Variants in CCNF observed in about 807,000 individuals in gnomAD.
The protein encoded by CCNF is cyclin-F.
A neutral mutation model predicts 85.4 loss-of-function variants in CCNF; 30 were observed. The observed-to-expected ratio is 0.35, with a 90% CI of 0.26 to 0.48. The LOEUF is 0.48. CCNF is among the 20% of genes least tolerant of loss of function. CCNF has a pLI of 0.99. For synonymous variants in CCNF, 439 were observed against 425.1 expected (o/e 1.03, Z -0.40); for missense variants, 919 against 1,010.4 (o/e 0.91, Z 1.23).
At position 2,439,740 on chromosome 16, in the gene CCNF, C is replaced by T. The variant is rs778054573; in HGVS notation, c.700-9C>T. The T allele has an allele frequency of 1.2e-6, 2 of 1,612,412 alleles. No homozygotes were observed. On this transcript the variant is annotated splice_polypyrimidine_tract_variant and intron_variant, in intron 7 of 16. Transcript: ENST00000397066. ...GTTGTACAAAGGCTCGGTGATCTCC[C>T]ATTGACAGGTGTCAGATCCTGGGCG...
At chr16:2,432,400 C>A (rs1464180200) in intron 2 of CCNF, among the ~76,000 whole-genome samples, 4 of 152,072 alleles carry the variant, frequency 2.6e-5, no homozygotes, top group African/African-American at 9.7e-5. Flanking sequence ...CTTTATGGAC[C>A]CCAGGGGGTG....
Position 2,451,310 on chromosome 16 carries a change from G to C in CCNF, c.1487+1395G>C, listed in dbSNP as rs1230698199. On this transcript the variant is annotated intron_variant, in intron 13 of 16. Coordinates refer to ENST00000397066, the MANE Select transcript of CCNF (RefSeq NM_001761.3). This position sits in a 1 kb window ranked among gnomAD's most constrained non-coding sequence, Gnocchi z 4.3. The stretch of plus-strand genomic sequence containing the variant: ...GGGCATCTGAGTCCAGGGCAAAGGG[G>C]GCAGCCATGCCAGGGCCCAGTGCAG... Among the ~76,000 whole-genome samples, 2 of 152,214 alleles carry C rather than the reference G, an allele frequency of 1.3e-5. No individual in the cohort carries two copies. The highest frequency in any genetic ancestry group is 2.9e-5 in the Non-Finnish European group (2 of 68,026).
rs1005227456 is a variant in CCNF at position 2,457,718 on chromosome 16, T to C, written c.*698T>C. ...TTTGTGCTGAATTTCTGGGCCATTC[T>C]TTTCCTGTCTTATTTCTAAATTTCC... On this transcript the variant is annotated 3_prime_UTR_variant, in exon 17 of 17. Coordinates refer to ENST00000397066, the MANE Select transcript of CCNF (RefSeq NM_001761.3). 3.0e-4 allele frequency: 45 copies of C among 152,234 alleles called. No homozygotes were observed. The highest frequency in any genetic ancestry group is 1.1e-3 in the African/African-American group (44 of 41,454). The allele number at this position is 152,234 out of a possible 1,614,324, so 9.4% of individuals were successfully genotyped here. A position where few individuals can be genotyped will look rare whatever the true frequency, so the allele number is the denominator to read the frequency against.
intron 10 of CCNF, 60 bp downstream of exon 10, chr16:2,445,682 C>T (rs2065358166): frequency 1.4e-6 from 2 of 1,477,016 alleles, no homozygotes; most frequent in South Asian, 2.4e-5. Flanking sequence ...GGTTCAGGGT[C>T]ACCTGCCCTT....
chr16:2,435,249 CAAAAAAAAAAAAGAAAAGAAAAGA>C (rs1331797436), intron 3 of CCNF, among the ~76,000 whole-genome samples: 23 of 35,402 alleles, frequency 6.5e-4, no homozygotes, highest in African/African-American at 3.2e-3. Context: ...GACTCCGTCT[CAAAAAAAAAAAAGAAAAGAAAAGA>C]AAAAAAAAAA....
In CCNF at chr16:2,455,536, GGAGAGTGAGGGC is replaced by G. The variant is rs774028397; in HGVS notation, c.1862_1873del (p.Ser621_Glu624del). ...GCTGCTCTGGCTATGAAGGCGACCA[GGAGAGTGAGGGC>G]GAGAAGGAGGGCGACGGTGAGTGTG... On this transcript the variant is annotated inframe_deletion, in exon 16 of 17. Transcript: ENST00000397066. 1 of 1,601,532 alleles carries G rather than the reference GGAGAGTGAGGGC, an allele frequency of 6.2e-7. No homozygotes were observed. The highest frequency in any genetic ancestry group is 2.2e-5 in the East Asian group (1 of 44,448).
chr16:2,454,921 G>A (rs1398906749), intron 15 of CCNF, among the ~76,000 whole-genome samples: 1 of 152,128 alleles, frequency 6.6e-6, no homozygotes, highest in East Asian at 1.9e-4. Flanking sequence ...TTAGCTGGGT[G>A]TGATGGCGGG....
chr16:2,438,015 G>GC (rs1028465068), intron 5 of CCNF, 55 bp from the exon 6 acceptor site: 9 of 1,220,168 alleles, frequency 7.4e-6, no homozygotes, highest in Admixed American at 1.7e-5. Flanking sequence ...GGGAGTGGTG[G>GC]CCCCCGGGCA....
intron 3 of CCNF, among the ~76,000 whole-genome samples, chr16:2,435,308 T>C (rs1469885223): frequency 6.7e-6 from 1 of 149,364 alleles, no homozygotes; most frequent in Non-Finnish European, 1.5e-5. Flanking sequence ...CCGGGCATGA[T>C]GGCTCAAGCC....
At chr16:2,430,501 A>T (rs1160571595) in intron 1 of CCNF, among the ~76,000 whole-genome samples, 2 of 152,068 alleles carry the variant, frequency 1.3e-5, no homozygotes, top group Non-Finnish European at 2.9e-5. Flanking sequence ...CTACAGGTCT[A>T]GGTTTGTGTT....
At position 2,449,284 on chromosome 16, in the gene CCNF, C is replaced by T. The variant is rs1375557128; in HGVS notation, c.1221C>T (p.Val407=). 5.6e-6 allele frequency: 9 copies of T among 1,613,526 alleles called. No homozygotes were observed. Among genetic ancestry groups the T allele is most frequent in the Non-Finnish European group, 5.9e-6 (7 of 1,179,768 alleles). The part of the protein sequence containing the change: ...IVSALEGKIR[V]PTVVDYKEVL... ...CACACCCCGTCCCGGCTGTCTAGGT[C>T]CCCACTGTGGTGGATTACAAGGAGG... The change falls in exon 12 of 17, where the codon GTC becomes GTT. Residue 407 remains valine, a splice_region_variant and synonymous_variant. Coordinates refer to ENST00000397066, the MANE Select transcript of CCNF (RefSeq NM_001761.3).
chr16:2,448,827 A>T (rs28417759), intron 10 of CCNF, 28 bp from the exon 11 acceptor site: 1 of 1,608,650 alleles, frequency 6.2e-7, no homozygotes, highest in African/African-American at 1.3e-5. Context: ...AGTGGGCTCC[A>T]CCCTGAGACC....
Position 2,458,331 on chromosome 16 carries a change from A to T in CCNF, c.*1311A>T, listed in dbSNP as rs1414895810. The T allele has an allele frequency of 6.7e-6, 1 of 149,228 alleles. No individual in the cohort carries two copies. Among genetic ancestry groups the T allele is most frequent in the Admixed American group, 6.7e-5 (1 of 14,964 alleles). 9.2% of individuals were successfully genotyped at this position (149,228 alleles called of 1,614,324 possible). ...TGCAGTGGCATGATCTCAACTCTCA[A>T]CTCACTGTAACCTCCGCCTCCCGGA... On this transcript the variant is annotated 3_prime_UTR_variant, in exon 17 of 17. Coordinates refer to ENST00000397066, the MANE Select transcript of CCNF (RefSeq NM_001761.3).
In CCNF at chr16:2,437,115, G is replaced by T. The variant is rs745717157; in HGVS notation, c.347-14G>T. ...AAGAGACATCCCTGGGCTCTGTCCT[G>T]TCTGTCCCCGCAGTGTCTGTGTCTG... On this transcript the variant is annotated splice_polypyrimidine_tract_variant and intron_variant, in intron 4 of 16. Coordinates refer to ENST00000397066, the MANE Select transcript of CCNF (RefSeq NM_001761.3). The T allele has an allele frequency of 1.3e-6, 2 of 1,563,766 alleles. No homozygotes were observed. Among genetic ancestry groups the T allele is most frequent in the Non-Finnish European group, 1.7e-6 (2 of 1,147,128 alleles).
chr16:2,448,824 T>C (rs1430719763), intron 10 of CCNF, 31 bp from the exon 11 acceptor site: 2 of 1,605,426 alleles, frequency 1.2e-6, no homozygotes, highest in Non-Finnish European at 8.5e-7. Context: ...GGAAGTGGGC[T>C]CCACCCTGAG....
At chr16:2,434,710 C>G (rs1218337472) in intron 3 of CCNF, among the ~76,000 whole-genome samples, 1 of 152,184 alleles carries the variant, frequency 6.6e-6, no homozygotes, top group Non-Finnish European at 1.5e-5. Flanking sequence ...AACTTTAGAA[C>G]GTTCTCCTTA....
rs562145171 is a variant in CCNF, at chr16:2,458,253, C to CTTTTTTTTTT, written c.*1242_*1251dup. The CTTTTTTTTTT allele has an allele frequency of 1.2e-4, 16 of 130,354 alleles. No homozygotes were observed. The highest frequency in any genetic ancestry group is 4.5e-4 in the African/African-American group (16 of 35,170). 8.1% of individuals were successfully genotyped at this position (130,354 alleles called of 1,614,324 possible). On this transcript the variant is annotated 3_prime_UTR_variant, in exon 17 of 17. Coordinates refer to ENST00000397066, the MANE Select transcript of CCNF (RefSeq NM_001761.3). ...CTTGGCCAGAAGTGTCCCCCAGATG[C>CTTTTTTTTTT]TTTTTTTTTTTTTTTTTTGGAGACA...
At chr16:2,454,169 A>G (rs892381751) in intron 15 of CCNF, among the ~76,000 whole-genome samples, 6 of 152,102 alleles carry the variant, frequency 3.9e-5, no homozygotes, top group African/African-American at 1.4e-4. Context: ...TTTCCTGTCA[A>G]TATAGGACCA....
chr16:2,441,679 G>C (rs1014143311), intron 8 of CCNF, among the ~76,000 whole-genome samples: 5 of 151,694 alleles, frequency 3.3e-5, no homozygotes, highest in Non-Finnish European at 1.5e-5. Flanking sequence ...ACCACGCCCA[G>C]CTAATTTTTG....
Sources: gnomAD v4.1 joint callset for allele counts (sites outside exome capture counted in the v4.1 genomes callset) on GRCh38, gnomAD v4.1.1 for gene constraint, Gnocchi (gnomAD v3.1) non-coding constraint, MANE v1.5 for transcripts, NCBI Gene and HGNC (gene_info 2026-07-23, HGNC 2026-07-21) for gene names.